DCAF8L2: variants seen among roughly 807,000 people sequenced by gnomAD.
The protein encoded by DCAF8L2 is DDB1 and CUL4 associated factor 8 like 2.
For missense variants in DCAF8L2, 430 were observed against 490.7 expected, an observed-to-expected ratio of 0.88 and a Z score of 1.17; for synonymous variants, 200 against 190.9, an observed-to-expected ratio of 1.05 and a Z score of -0.39.
chrX:27,675,919 C>T (rs1025122675), intron 2 of DCAF8L2, among the ~76,000 whole-genome samples: 2 of 112,241 alleles, frequency 1.8e-5, no homozygotes, highest in African/African-American at 6.5e-5. Flanking sequence ...GAGTAATCCG[C>T]TGTCAAGGGA....
At chrX:27,575,298 T>C in the DCAF8L2 span, among the ~76,000 whole-genome samples, 2 of 111,699 alleles carry the variant, frequency 1.8e-5, no homozygotes, top group Non-Finnish European at 3.8e-5. Context: ...CTCATCTCGA[T>C]GTCTGGCCAC....
In DCAF8L2 at chrX:27,613,882, A is replaced by G. The variant is rs956527217; in HGVS notation, c.-341-17997A>G. On this transcript the variant is annotated intron_variant, in intron 1 of 4. Coordinates refer to ENST00000451261, the MANE Select transcript of DCAF8L2 (RefSeq NM_001353450.2). ...TATTTTATTGAGGATGTTTGCATCG[A>G]TGTTCATCACGGATATTGGGCTAAA... Among the ~76,000 whole-genome samples the G allele has an allele frequency of 4.5e-5, 5 of 111,518 alleles. 1 individual carries two copies. Among genetic ancestry groups the G allele is most frequent in the Admixed American group, 3.8e-4 (4 of 10,508 alleles).
intron 1 of DCAF8L2, among the ~76,000 whole-genome samples, chrX:27,591,978 C>T (rs1327509161): frequency 8.9e-6 from 1 of 112,797 alleles, no homozygotes; most frequent in African/African-American, 3.2e-5. Context: ...ATCCTGCCAT[C>T]GCTGCTTTTG....
the DCAF8L2 span, among the ~76,000 whole-genome samples, chrX:27,575,435 A>G: frequency 9.0e-6 from 1 of 110,964 alleles, no homozygotes; most frequent in African/African-American, 3.3e-5. Context: ...CACCTAGGTC[A>G]GTGGAGGTGG....
the DCAF8L2 span, among the ~76,000 whole-genome samples, chrX:27,578,795 T>A: frequency 4.6e-5 from 5 of 109,274 alleles, no homozygotes; most frequent in Non-Finnish European, 9.5e-5. Flanking sequence ...AACAAACGTA[T>A]GAAAAAAAGC....
chrX:27,501,839 T>C, the DCAF8L2 span, among the ~76,000 whole-genome samples: 1 of 110,460 alleles, frequency 9.1e-6, no homozygotes, highest in Admixed American at 9.7e-5. Context: ...TAGTGGAGAA[T>C]CGTGTTTTCA....
intron 3 of DCAF8L2, among the ~76,000 whole-genome samples, chrX:27,715,588 A>G (rs1258252379): frequency 9.0e-6 from 1 of 111,506 alleles, no homozygotes; most frequent in Non-Finnish European, 1.9e-5. Flanking sequence ...GGGTTATTAT[A>G]AGAAGTAATG....
At chrX:27,551,748 G>A in the DCAF8L2 span, among the ~76,000 whole-genome samples, 1 of 111,652 alleles carries the variant, frequency 9.0e-6, no homozygotes, top group African/African-American at 3.3e-5. Flanking sequence ...TGGACACTTA[G>A]GTTGATTCCA....
intron 2 of DCAF8L2, among the ~76,000 whole-genome samples, chrX:27,635,326 A>G (rs909885056): frequency 3.6e-5 from 4 of 111,358 alleles, no homozygotes; most frequent in African/African-American, 6.5e-5. Flanking sequence ...TATCTTCTCA[A>G]TGAAACTATC....
the DCAF8L2 span, among the ~76,000 whole-genome samples, chrX:27,469,609 T>G: frequency 7.2e-5 from 8 of 111,740 alleles, no homozygotes; most frequent in African/African-American, 2.6e-4. Flanking sequence ...GAAAATTGAA[T>G]TGAGTCAGAA....
chrX:27,686,286 A>G (rs964178245), intron 3 of DCAF8L2, among the ~76,000 whole-genome samples: 4 of 111,791 alleles, frequency 3.6e-5, no homozygotes, highest in Admixed American at 2.9e-4. Flanking sequence ...TTGCATACCC[A>G]TGTTTATTGC....
chrX:27,551,870 A>G, the DCAF8L2 span, among the ~76,000 whole-genome samples: 1 of 112,019 alleles, frequency 8.9e-6, no homozygotes, highest in Non-Finnish European at 1.9e-5. Flanking sequence ...TTGTTGGATC[A>G]TATGGTAGTC....
the DCAF8L2 span, among the ~76,000 whole-genome samples, chrX:27,479,818 A>G: frequency 8.1e-3 from 904 of 112,183 alleles, 3 homozygotes; most frequent in Non-Finnish European, 0.01. Context: ...CTTTCACTAT[A>G]CGACAGCAGT....
At chrX:27,528,499 T>TATAC in the DCAF8L2 span, among the ~76,000 whole-genome samples, 1 of 102,995 alleles carries the variant, frequency 9.7e-6, no homozygotes, top group Non-Finnish European at 2.0e-5. Flanking sequence ...TATATATATA[T>TATAC]ATACACACAC....
At chrX:27,565,823 G>A in the DCAF8L2 span, among the ~76,000 whole-genome samples, 22 of 110,594 alleles carry the variant, frequency 2.0e-4, no homozygotes, top group Non-Finnish European at 4.0e-4. Context: ...TGCCATTTCA[G>A]AGTTGACTAC....
At chrX:27,517,742 A>G in the DCAF8L2 span, 1 of 1,106,715 alleles carries the variant, frequency 9.0e-7, no homozygotes, top group South Asian at 1.8e-5. Context: ...CTTATGCAGA[A>G]CATATATGCA....
intron 4 of DCAF8L2, among the ~76,000 whole-genome samples, chrX:27,730,099 G>A (rs144051376): frequency 3.0e-4 from 34 of 111,883 alleles, no homozygotes; most frequent in African/African-American, 1.0e-3. Context: ...TGTGGGTGTA[G>A]AAGTTGGAAT....
the DCAF8L2 span, among the ~76,000 whole-genome samples, chrX:27,508,420 T>C: frequency 9.0e-6 from 1 of 110,711 alleles, no homozygotes; most frequent in African/African-American, 3.3e-5. Flanking sequence ...GAGAGTGCAC[T>C]AAGTCCGGAT....
chrX:27,512,801 A>C, the DCAF8L2 span, among the ~76,000 whole-genome samples: 129 of 88,627 alleles, frequency 1.5e-3, 1 homozygote, highest in African/African-American at 3.9e-3. Flanking sequence ...AAAAAAAAAA[A>C]AAAAAAAAAC....
Sources: gnomAD v4.1 joint callset for allele counts (sites outside exome capture counted in the v4.1 genomes callset) on GRCh38, gnomAD v4.1.1 for gene constraint, MANE v1.5 for transcripts, NCBI Gene and HGNC (gene_info 2026-07-23, HGNC 2026-07-21) for gene names.